Variants in FNDC3A observed in about 807,000 individuals in gnomAD.
FNDC3A encodes the protein fibronectin type-III domain-containing protein 3A.
Under a neutral mutation model 148.9 loss-of-function variants are expected in FNDC3A, and 32 were observed. That is an observed-to-expected ratio of 0.21 (90% CI 0.16 to 0.29). The LOEUF (loss-of-function observed/expected upper bound fraction) is 0.29, where lower values mean the gene tolerates loss of function less well. Ranked by LOEUF, FNDC3A falls within the 10% of genes least tolerant of loss-of-function variation. FNDC3A has a pLI of 1.00. For missense variants in FNDC3A, 1,191 were observed against 1,452.8 expected (o/e 0.82, Z 2.93); for synonymous variants, 472 against 473.6 (o/e 1.00, Z 0.04).
At chr13:49,157,665 G>A (rs1233420591) in intron 8 of FNDC3A, among the ~76,000 whole-genome samples, 8 of 147,032 alleles carry the variant, frequency 5.4e-5, no homozygotes, top group Non-Finnish European at 4.5e-5. Context: ...TCTACTTTTG[G>A]TCTTTGATGA....
chr13:49,013,660 A>T (rs186968156), intron 2 of FNDC3A, among the ~76,000 whole-genome samples: 1 of 151,370 alleles, frequency 6.6e-6, no homozygotes, highest in African/African-American at 2.4e-5. Flanking sequence ...ATACATGTAT[A>T]CATGTACATA....
intron 2 of FNDC3A, among the ~76,000 whole-genome samples, chr13:49,062,859 T>C (rs759341090): frequency 6.6e-6 from 1 of 152,222 alleles, no homozygotes; most frequent in South Asian, 2.1e-4. Flanking sequence ...TGCAAGAGTG[T>C]GTGCCACACG....
intron 3 of FNDC3A, among the ~76,000 whole-genome samples, chr13:49,097,899 A>ATT (rs1879632740): frequency 6.6e-6 from 1 of 152,136 alleles, no homozygotes; most frequent in African/African-American, 2.4e-5. Flanking sequence ...ATTACAGTAA[A>ATT]TTGTAAGGCC....
chr13:49,197,843 C>G lies in FNDC3A; in HGVS notation c.2459C>G (p.Ser820Ter), dbSNP rs1356028458. Residue 820 changes from serine (S) to a stop codon, truncating the protein, a stop_gained, in exon 21 of 26, where the codon TCA (serine) becomes TGA (stop). Transcript: ENST00000492622. LOFTEE classifies it high-confidence loss of function. ...PGLSYEIKGLSPATTYYCRVQ... is the reference protein window; with the variant it reads ...PGLSYEIKGL ...CTCAGTTATGAAATAAAAGGACTTT[C>G]ACCAGCAACTACCTATTATTGCAGG... 6.2e-7 allele frequency: 1 copy of G among 1,606,218 alleles called. No homozygotes were observed. Among genetic ancestry groups the G allele is most frequent in the Admixed American group, 1.7e-5 (1 of 57,156 alleles).
At chr13:49,174,800 A>G (rs1016373560) in intron 12 of FNDC3A, among the ~76,000 whole-genome samples, 2 of 152,190 alleles carry the variant, frequency 1.3e-5, no homozygotes, top group Admixed American at 1.3e-4. Context: ...AGATTTTTAT[A>G]TGTGACAAAG....
intron 2 of FNDC3A, among the ~76,000 whole-genome samples, chr13:49,013,562 A>G (rs1952412232): frequency 6.6e-6 from 1 of 151,712 alleles, no homozygotes; most frequent in Non-Finnish European, 1.5e-5. Flanking sequence ...ACATATGTAC[A>G]CGTGTATACA....
At chr13:49,020,898 C>A (rs188940804) in intron 2 of FNDC3A, among the ~76,000 whole-genome samples, 346 of 152,254 alleles carry the variant, frequency 2.3e-3, no homozygotes, top group Admixed American at 3.5e-3. Flanking sequence ...AATTCCTAAT[C>A]ATTTATCATG....
At chr13:49,026,903 AT>A (rs552691525) in intron 2 of FNDC3A, among the ~76,000 whole-genome samples, 8 of 152,190 alleles carry the variant, frequency 5.3e-5, no homozygotes, top group Non-Finnish European at 1.0e-4. Flanking sequence ...GTTAAATGCA[AT>A]GGAGTGGGGA....
intron 2 of FNDC3A, among the ~76,000 whole-genome samples, chr13:49,012,111 G>C (rs1952359485): frequency 6.6e-6 from 1 of 151,816 alleles, no homozygotes; most frequent in Non-Finnish European, 1.5e-5. Context: ...TATTTGTAGG[G>C]TTATTTATGG....
chr13:48,982,880 G>A (rs1299643968), intron 1 of FNDC3A, among the ~76,000 whole-genome samples: 1 of 152,156 alleles, frequency 6.6e-6, no homozygotes, highest in Non-Finnish European at 1.5e-5. Flanking sequence ...ATTTTACAGT[G>A]TAGTAATAAT....
At chr13:49,172,153 A>G (rs1342793839) in intron 11 of FNDC3A, 57 bp downstream of exon 11, 2 of 1,132,126 alleles carry the variant, frequency 1.8e-6, no homozygotes, top group East Asian at 2.5e-5. Flanking sequence ...TTCAGGCAAA[A>G]TTAACTTTTT....
intron 14 of FNDC3A, among the ~76,000 whole-genome samples, chr13:49,183,620 T>A (rs931618314): frequency 1.3e-5 from 2 of 152,246 alleles, no homozygotes; most frequent in Non-Finnish European, 2.9e-5. Context: ...AGGACTCTTC[T>A]GGTTAAAAGG....
chr13:48,987,172 G>A (rs911175175), intron 1 of FNDC3A, among the ~76,000 whole-genome samples: 11 of 152,210 alleles, frequency 7.2e-5, no homozygotes, highest in Non-Finnish European at 1.5e-4. Context: ...AGTGAAAATA[G>A]GATTGTCCCA....
At chr13:49,018,294 T>G (rs1421460500) in intron 2 of FNDC3A, among the ~76,000 whole-genome samples, 1 of 152,186 alleles carries the variant, frequency 6.6e-6, no homozygotes, top group Non-Finnish European at 1.5e-5. Context: ...GGAGGCTTTA[T>G]TCGTTTCTTT....
intron 3 of FNDC3A, among the ~76,000 whole-genome samples, chr13:49,104,397 G>A (rs555612079): frequency 2.0e-5 from 3 of 152,236 alleles, no homozygotes; most frequent in South Asian, 2.1e-4. Flanking sequence ...GGTGGCGGGC[G>A]CCTGTAGTCC....
intron 4 of FNDC3A, among the ~76,000 whole-genome samples, chr13:49,120,291 G>A (rs993598075): frequency 6.6e-6 from 1 of 152,190 alleles, no homozygotes; most frequent in Non-Finnish European, 1.5e-5. Flanking sequence ...AGCAAATGCT[G>A]AGAGATTTCA....
intron 2 of FNDC3A, among the ~76,000 whole-genome samples, chr13:49,037,939 G>T (rs190273030): frequency 5.3e-5 from 8 of 152,202 alleles, no homozygotes; most frequent in Admixed American, 4.6e-4. Context: ...CCAGGTTCTT[G>T]TGCAGAGTCC....
intron 3 of FNDC3A, among the ~76,000 whole-genome samples, chr13:49,081,731 A>G (rs1329127497): frequency 1.3e-5 from 2 of 152,214 alleles, no homozygotes; most frequent in Non-Finnish European, 2.9e-5. Context: ...GGCTTCTACA[A>G]AAACAAAGAC....
chr13:49,108,946 C>T (rs756191344), intron 3 of FNDC3A, among the ~76,000 whole-genome samples: 3 of 152,210 alleles, frequency 2.0e-5, no homozygotes, highest in Non-Finnish European at 4.4e-5. Flanking sequence ...ACCTATTTCT[C>T]TAGGTTATCC....
Sources: allele counts gnomAD v4.1 joint callset (sites outside exome capture counted in the v4.1 genomes callset), GRCh38; gene constraint gnomAD v4.1.1; transcripts MANE v1.5; gene names NCBI Gene and HGNC (gene_info 2026-07-23, HGNC 2026-07-21).